The following CNTNAP2 variants were observed in gnomAD, a reference collection of about 807,000 sequenced individuals.
The protein encoded by CNTNAP2 is contactin-associated protein-like 2.
A neutral mutation model predicts 155.2 loss-of-function variants in CNTNAP2; 98 were observed. That is an observed-to-expected ratio of 0.63 (90% CI 0.54 to 0.75). The LOEUF is 0.75. Ranked by LOEUF, CNTNAP2 falls within the 30% of genes least tolerant of loss-of-function variation. The probability of loss-of-function intolerance (pLI) is 0.00; values close to 1 mark genes in which losing one functional copy is unlikely to be tolerated. For missense variants in CNTNAP2, 1,727 were observed against 1,688.1 expected (o/e 1.02, Z -0.40); for synonymous variants, 651 against 631.2 (o/e 1.03, Z -0.47).
At chr7:148,041,130 C>T (rs541828366) in intron 15 of CNTNAP2, among the ~76,000 whole-genome samples, 2 of 152,320 alleles carry the variant, frequency 1.3e-5, no homozygotes, top group African/African-American at 4.8e-5. Flanking sequence ...ATTGACACTA[C>T]TGTGATTATT....
At chr7:146,934,683 A>G (rs945970017) in intron 3 of CNTNAP2, among the ~76,000 whole-genome samples, 24 of 152,214 alleles carry the variant, frequency 1.6e-4, no homozygotes, top group African/African-American at 5.3e-4. Context: ...AAAATGGACA[A>G]TGGTATTTTT....
chr7:148,069,759 C>CAAAAAAAA (rs57389619), intron 15 of CNTNAP2, among the ~76,000 whole-genome samples: 4 of 68,938 alleles, frequency 5.8e-5, no homozygotes. Flanking sequence ...GACTCCGTCT[C>CAAAAAAAA]AAAAAAAAAA....
intron 15 of CNTNAP2, among the ~76,000 whole-genome samples, chr7:148,057,690 G>A (rs1173023783): frequency 6.6e-6 from 1 of 152,140 alleles, no homozygotes; most frequent in Non-Finnish European, 1.5e-5. Context: ...AAAACTTACT[G>A]AAGGAACTGA....
At chr7:147,755,939 A>G (rs1461586078) in intron 13 of CNTNAP2, among the ~76,000 whole-genome samples, 1 of 152,204 alleles carries the variant, frequency 6.6e-6, no homozygotes. Flanking sequence ...ATGAAGTTTT[A>G]TAGTTCATTC....
At chr7:146,873,180 C>A (rs1795349616) in intron 3 of CNTNAP2, among the ~76,000 whole-genome samples, 1 of 152,176 alleles carries the variant, frequency 6.6e-6, no homozygotes, top group Non-Finnish European at 1.5e-5. Context: ...TAATGCTATA[C>A]AAGATGTCTG....
chr7:147,832,993 A>G (rs1398819120), intron 13 of CNTNAP2, among the ~76,000 whole-genome samples: 1 of 150,980 alleles, frequency 6.6e-6, no homozygotes, highest in Non-Finnish European at 1.5e-5. Flanking sequence ...TTTTGTTTAT[A>G]TTTTATTTTT....
chr7:146,724,721 C>T (rs920944160), intron 1 of CNTNAP2, among the ~76,000 whole-genome samples: 1 of 151,850 alleles, frequency 6.6e-6, no homozygotes, highest in African/African-American at 2.4e-5. Flanking sequence ...CAGGCGCAGG[C>T]CACCATGCCC....
chr7:146,505,064 G>A (rs1466756254), intron 1 of CNTNAP2, among the ~76,000 whole-genome samples: 1 of 152,180 alleles, frequency 6.6e-6, no homozygotes, highest in Admixed American at 6.5e-5. Flanking sequence ...GGTCAGCCAG[G>A]AAGCAAGCAT....
At chr7:147,480,442 C>T (rs1798401081) in intron 10 of CNTNAP2, among the ~76,000 whole-genome samples, 1 of 152,184 alleles carries the variant, frequency 6.6e-6, no homozygotes, top group South Asian at 2.1e-4. Context: ...TGGGGAAAGT[C>T]TTAGCTGACC....
intron 15 of CNTNAP2, among the ~76,000 whole-genome samples, chr7:148,002,217 A>T (rs1294158790): frequency 6.6e-6 from 1 of 152,174 alleles, no homozygotes; most frequent in African/African-American, 2.4e-5. Flanking sequence ...CATTTCTCCC[A>T]TCCACCCTCC....
chr7:146,954,289 A>G (rs890468773), intron 3 of CNTNAP2, among the ~76,000 whole-genome samples: 1 of 151,948 alleles, frequency 6.6e-6, no homozygotes, highest in Non-Finnish European at 1.5e-5. Flanking sequence ...CAGCAGATAC[A>G]TGTTACATTC....
In CNTNAP2 at chr7:146,856,831, A is replaced by C. The variant is rs1315966101; in HGVS notation, c.402+16927A>C. Among the ~76,000 whole-genome samples, 4 of 152,144 alleles carry C rather than the reference A, an allele frequency of 2.6e-5. No homozygotes were observed. In the East Asian group the frequency reaches 7.7e-4, roughly 29 times the overall value. ...TTCTATGAGGAATGTTCTACTAAAA[A>C]GATAAAGGAGAATACATTGTCTATG... On this transcript the variant is annotated intron_variant, in intron 3 of 23. Transcript: ENST00000361727.
At chr7:148,113,573 T>G (rs1047648841) in intron 15 of CNTNAP2, among the ~76,000 whole-genome samples, 1 of 152,226 alleles carries the variant, frequency 6.6e-6, no homozygotes, top group African/African-American at 2.4e-5. Flanking sequence ...GAAATTTGTG[T>G]GAAGATATGA....
chr7:147,358,002 A>G (rs930255695), intron 9 of CNTNAP2, among the ~76,000 whole-genome samples: 2 of 152,178 alleles, frequency 1.3e-5, no homozygotes, highest in African/African-American at 2.4e-5. Flanking sequence ...TAGAACTTTA[A>G]TTGTAGTATC....
intron 14 of CNTNAP2, among the ~76,000 whole-genome samples, chr7:147,966,424 A>G (rs1198885425): frequency 1.3e-5 from 2 of 152,172 alleles, no homozygotes; most frequent in Non-Finnish European, 2.9e-5. Context: ...GAAACAATGA[A>G]GGAATGTACA....
chr7:146,261,154 G>A (rs187337551), intron 1 of CNTNAP2, among the ~76,000 whole-genome samples: 27 of 152,180 alleles, frequency 1.8e-4, no homozygotes, highest in Admixed American at 1.6e-3. Flanking sequence ...TAAGTTTCCT[G>A]AGGCCTCCCC....
At chr7:148,112,356 T>G (rs1008162098) in intron 15 of CNTNAP2, among the ~76,000 whole-genome samples, 2 of 152,016 alleles carry the variant, frequency 1.3e-5, no homozygotes, top group African/African-American at 4.8e-5. Context: ...TAGATTTTAT[T>G]GGTTGGCTTT....
At chr7:146,474,992 AGCGCGCACGCGCGCGC>A (rs769209822) in intron 1 of CNTNAP2, among the ~76,000 whole-genome samples, 1 of 138,418 alleles carries the variant, frequency 7.2e-6, no homozygotes, top group African/African-American at 2.9e-5. Flanking sequence ...CCTGAGCACG[AGCGCGCACGCGCGCGC>A]GCGCGCACAC....
At chr7:146,913,749 A>T (rs932584671) in intron 3 of CNTNAP2, among the ~76,000 whole-genome samples, 2 of 151,612 alleles carry the variant, frequency 1.3e-5, no homozygotes, top group Non-Finnish European at 2.9e-5. Flanking sequence ...GGGTATCAAC[A>T]TATGGATTCT....
Sources: allele counts gnomAD v4.1 joint callset (sites outside exome capture counted in the v4.1 genomes callset), GRCh38; gene constraint gnomAD v4.1.1; transcripts MANE v1.5; gene names NCBI Gene and HGNC (gene_info 2026-07-23, HGNC 2026-07-21).